Variants in GPAT4 observed in about 807,000 individuals in gnomAD.
GPAT4 encodes glycerol-3-phosphate acyltransferase 4, also known as 1-AGP acyltransferase 6.
Under a neutral mutation model 58.0 loss-of-function variants are expected in GPAT4, and 17 were observed. The observed-to-expected ratio is 0.29, with a 90% CI of 0.20 to 0.44. The LOEUF (loss-of-function observed/expected upper bound fraction) is 0.44, where lower values mean the gene tolerates loss of function less well. Ranked by LOEUF, GPAT4 falls within the 20% of genes least tolerant of loss-of-function variation. The pLI, the probability that GPAT4 is intolerant of heterozygous loss-of-function variation, is 1.00. For synonymous variants in GPAT4, 204 were observed against 210.1 expected (o/e 0.97, Z 0.25); for missense variants, 377 against 574.5 (o/e 0.66, Z 3.51).
At chr8:41,602,400 G>A (rs900802531) in intron 2 of GPAT4, among the ~76,000 whole-genome samples, 4 of 152,234 alleles carry the variant, frequency 2.6e-5, no homozygotes, top group African/African-American at 9.6e-5. Context: ...TAGATGCCCT[G>A]TGGGGCCTGT....
chr8:41,618,641 GAGAACTACTCA>G, intron 10 of GPAT4, 32 bp from the exon 11 acceptor site: 2 of 1,609,996 alleles, frequency 1.2e-6, no homozygotes, highest in South Asian at 1.1e-5. Context: ...CAAACGTTGT[GAGAACTACTCA>G]TGTCTTACCT....
intron 1 of GPAT4, among the ~76,000 whole-genome samples, chr8:41,597,809 G>A (rs568778414): frequency 3.9e-5 from 6 of 152,148 alleles, no homozygotes; most frequent in East Asian, 3.9e-4. Context: ...CAAAAAGCAA[G>A]GTGAAGAATA....
rs1297897121 is a variant in GPAT4 at position 41,621,146 on chromosome 8, G to A, written c.*145G>A. 6 of 1,209,836 alleles carry A rather than the reference G, an allele frequency of 5.0e-6. No homozygotes were observed. The highest frequency in any genetic ancestry group is 4.5e-6 in the Non-Finnish European group (4 of 882,664). 74.9% of individuals were successfully genotyped at this position (1,209,836 alleles called of 1,614,324 possible). A position where few individuals can be genotyped will look rare whatever the true frequency, so the allele number is the denominator to read the frequency against. Reference sequence around the variant, plus strand: ...GGATCCCAGGACTCCGGCTTTCGCCGAGCCGCAGCGGGATCCCTGTGCACC... The same window carrying A: ...GGATCCCAGGACTCCGGCTTTCGCCAAGCCGCAGCGGGATCCCTGTGCACC... On this transcript the variant is annotated 3_prime_UTR_variant, in exon 13 of 13. Transcript: ENST00000396987.
intron 1 of GPAT4, among the ~76,000 whole-genome samples, chr8:41,597,005 C>T (rs1283849811): frequency 2.6e-5 from 4 of 152,130 alleles, no homozygotes; most frequent in Non-Finnish European, 4.4e-5. Context: ...CAGAATGGAA[C>T]AGAACAGGAC....
chr8:41,578,323 C>T (rs1242297133), intron 1 of GPAT4, 45 bp downstream of exon 1: 2 of 151,788 alleles, frequency 1.3e-5, no homozygotes, highest in Non-Finnish European at 2.9e-5. Context: ...TCTCCGACCT[C>T]CGGGGAGCCG....
At chr8:41,585,720 G>T (rs546341956) in intron 1 of GPAT4, among the ~76,000 whole-genome samples, 1 of 152,234 alleles carries the variant, frequency 6.6e-6, no homozygotes, top group Non-Finnish European at 1.5e-5. Context: ...GGGGAGGCTG[G>T]TTTTGAATGT....
chr8:41,610,903 C>T (rs974129145), intron 5 of GPAT4, 93 bp downstream of exon 5: 2 of 1,321,332 alleles, frequency 1.5e-6, no homozygotes, highest in Non-Finnish European at 2.1e-6. Flanking sequence ...TTGGACACAA[C>T]CAAAGCCATG....
intron 1 of GPAT4, among the ~76,000 whole-genome samples, chr8:41,580,185 G>A (rs552375795): frequency 2.6e-5 from 4 of 152,322 alleles, no homozygotes; most frequent in Admixed American, 6.5e-5. Context: ...TGGGGCAGAC[G>A]AGAAGTTCTG....
intron 2 of GPAT4, among the ~76,000 whole-genome samples, chr8:41,604,089 A>G (rs1364475209): frequency 7.2e-6 from 1 of 138,284 alleles, no homozygotes; most frequent in African/African-American, 2.7e-5. Context: ...ATAAACATTT[A>G]TATTTTATGG....
intron 10 of GPAT4, chr8:41,618,456 C>G (rs560354953): frequency 1.7e-6 from 1 of 576,094 alleles, no homozygotes; most frequent in East Asian, 2.9e-5. Flanking sequence ...GTCAGGGGAG[C>G]CTTCCTTACT....
chr8:41,618,633 A>G (rs567944014), intron 10 of GPAT4, 51 bp from the exon 11 acceptor site: 2 of 1,605,584 alleles, frequency 1.2e-6, no homozygotes, highest in Non-Finnish European at 1.7e-6. Flanking sequence ...TGGACTCGCA[A>G]ACGTTGTGAG....
chr8:41,580,027 T>C (rs1802471730), intron 1 of GPAT4, among the ~76,000 whole-genome samples: 2 of 152,212 alleles, frequency 1.3e-5, no homozygotes, highest in South Asian at 4.1e-4. Flanking sequence ...TGACCCATAC[T>C]ACTTGCCTTC....
intron 4 of GPAT4, 46 bp from the exon 5 acceptor site, chr8:41,610,690 G>T (rs1803415590): frequency 6.3e-7 from 1 of 1,596,126 alleles, no homozygotes; most frequent in Non-Finnish European, 8.5e-7. Flanking sequence ...TCTGTACTTG[G>T]TAGAATGATT....
rs572143037 is a variant in GPAT4 at position 41,580,586 on chromosome 8, G to T, written c.-849+2308G>T. Among the ~76,000 whole-genome samples, 3 of 152,282 alleles carry T rather than the reference G, an allele frequency of 2.0e-5. No individual in the cohort carries two copies. The South Asian group carries it at 6.2e-4, about 32-fold the overall frequency. ...ATATTCTGCCTCTCCAAGGAATGCT[G>T]GGAACAAGCAAGTCCTCATGTTAGG... On this transcript the variant is annotated intron_variant, in intron 1 of 12. Coordinates refer to ENST00000396987, the MANE Select transcript of GPAT4 (RefSeq NM_178819.4).
intron 1 of GPAT4, among the ~76,000 whole-genome samples, chr8:41,588,973 A>G (rs1802722681): frequency 6.6e-6 from 1 of 152,188 alleles, no homozygotes. Context: ...GAATAAGTGA[A>G]TATTCCTCTG....
chr8:41,578,515 C>T (rs1409678955), intron 1 of GPAT4: 1 of 152,192 alleles, frequency 6.6e-6, no homozygotes, highest in Admixed American at 6.5e-5. Flanking sequence ...CCCGGCCGCC[C>T]GCCTCTCCGC....
chr8:41,622,964 T>A lies in GPAT4; in HGVS notation c.*1963T>A, dbSNP rs1026624505. On this transcript the variant is annotated 3_prime_UTR_variant, in exon 13 of 13. Coordinates refer to ENST00000396987, the MANE Select transcript of GPAT4 (RefSeq NM_178819.4). ...TGGTCTTAAAAGATCAGGTTCTCTT[T>A]TAAAAAGTTCATCTGAAACTTTATG... The A allele has an allele frequency of 6.6e-6, 1 of 152,276 alleles. No individual in the cohort carries two copies. The highest frequency in any genetic ancestry group is 1.5e-5 in the Non-Finnish European group (1 of 68,052). 9.4% of individuals were successfully genotyped at this position (152,276 alleles called of 1,614,324 possible). A position where few individuals can be genotyped will look rare whatever the true frequency, so the allele number is the denominator to read the frequency against.
intron 1 of GPAT4, among the ~76,000 whole-genome samples, chr8:41,595,578 A>G (rs747729722): frequency 2.0e-5 from 3 of 152,106 alleles, no homozygotes; most frequent in Admixed American, 1.3e-4. Flanking sequence ...ACAAGGTGGT[A>G]TTGGAGTGTT....
intron 2 of GPAT4, among the ~76,000 whole-genome samples, chr8:41,607,257 A>G (rs1803303849): frequency 6.6e-6 from 1 of 151,576 alleles, no homozygotes; most frequent in African/African-American, 2.4e-5. Flanking sequence ...ACTTGGGGCA[A>G]TTTTTTCCTA....
Sources: gnomAD v4.1 joint callset for allele counts (sites outside exome capture counted in the v4.1 genomes callset) on GRCh38, gnomAD v4.1.1 for gene constraint, MANE v1.5 for transcripts, NCBI Gene and HGNC (gene_info 2026-07-23, HGNC 2026-07-21) for gene names.